ARGLU1: variants seen among roughly 807,000 people sequenced by gnomAD.
ARGLU1 encodes the protein arginine and glutamate-rich protein 1.
A neutral mutation model predicts 37.6 loss-of-function variants in ARGLU1; 9 were observed. The ratio of observed to expected loss-of-function variants is 0.24; its 90% confidence interval spans 0.14 to 0.42. ARGLU1 has a LOEUF of 0.42. Ranked by LOEUF, ARGLU1 falls within the 10% of genes least tolerant of loss-of-function variation. ARGLU1 has a pLI of 1.00. For missense variants in ARGLU1, 211 were observed against 359.2 expected (o/e 0.59, Z 3.34); for synonymous variants, 166 against 138.5 (o/e 1.20, Z -1.39).
At chr13:106,553,654 A>AT (rs1880589284) in intron 3 of ARGLU1, among the ~76,000 whole-genome samples, 1 of 152,130 alleles carries the variant, frequency 6.6e-6, no homozygotes, top group Middle Eastern at 3.2e-3. Flanking sequence ...AGAGGGGGAC[A>AT]TTTCTTTGTT....
At position 106,568,089 on chromosome 13, in the gene ARGLU1, C is replaced by G. The variant is rs1881029260; in HGVS notation, c.-170G>C. On this transcript the variant is annotated 5_prime_UTR_variant, in exon 1 of 4. Coordinates refer to ENST00000400198, the MANE Select transcript of ARGLU1 (RefSeq NM_018011.4). ...GCGTCTACAGCTGCCACGAAGGCCG[C>G]CTCCAACGAGAAACCCGTAGCGCCA... 2.8e-6 allele frequency: 3 copies of G among 1,075,136 alleles called. No individual in the cohort carries two copies. In the East Asian group the frequency reaches 9.2e-5, roughly 33 times the overall value. 66.6% of individuals were successfully genotyped at this position (1,075,136 alleles called of 1,614,324 possible).
Position 106,567,647 on chromosome 13 carries a change from C to CT in ARGLU1, c.272dup (p.Arg92AlafsTer61). The CT allele has an allele frequency of 6.2e-7, 1 of 1,613,640 alleles. No individual in the cohort carries two copies. The highest frequency in any genetic ancestry group is 1.1e-5 in the South Asian group (1 of 91,078). ...TCTGCTTCTCGTCCAGGCTGCTGCGCTTGCTCACCGTGCGCCCGAAGATGT... is the reference window on the plus strand; with the variant it reads ...TCTGCTTCTCGTCCAGGCTGCTGCGCTTTGCTCACCGTGCGCCCGAAGATGT... On this transcript the variant is annotated frameshift_variant, in exon 1 of 4. Transcript: ENST00000400198. LOFTEE classifies it high-confidence loss of function. The surrounding 1 kb of genome is among the most constrained non-coding windows in gnomAD (Gnocchi z 4.3).
chr13:106,545,824 G>A (rs1394327977), intron 3 of ARGLU1, among the ~76,000 whole-genome samples: 1 of 152,170 alleles, frequency 6.6e-6, no homozygotes, highest in Non-Finnish European at 1.5e-5. Context: ...GAATCTGGCA[G>A]GTGAGCATGG....
In ARGLU1 at chr13:106,557,786, T is replaced by C; in HGVS notation, c.574-655A>G. The C allele has an allele frequency of 3.1e-6, 4 of 1,303,544 alleles. No individual in the cohort carries two copies. Among genetic ancestry groups the C allele is most frequent in the Non-Finnish European group, 3.9e-6 (4 of 1,022,762 alleles). 80.7% of individuals were successfully genotyped at this position (1,303,544 alleles called of 1,614,324 possible). A position where few individuals can be genotyped will look rare whatever the true frequency, so the allele number is the denominator to read the frequency against. On this transcript the variant is annotated intron_variant, in intron 2 of 3. Coordinates refer to ENST00000400198, the MANE Select transcript of ARGLU1 (RefSeq NM_018011.4). The surrounding 1 kb of genome is among the most constrained non-coding windows in gnomAD (Gnocchi z 5.0). ...TAAGGCAAACAATTAATAAGAAAAATACATTTACTGTTAGTGAAAAATACA... is the reference window on the plus strand; with the variant it reads ...TAAGGCAAACAATTAATAAGAAAAACACATTTACTGTTAGTGAAAAATACA...
At chr13:106,560,586 T>G (rs1048797676) in intron 1 of ARGLU1, among the ~76,000 whole-genome samples, 1 of 152,190 alleles carries the variant, frequency 6.6e-6, no homozygotes, top group Non-Finnish European at 1.5e-5. Context: ...ATATTTTGGA[T>G]AAAAATATAC....
intron 3 of ARGLU1, among the ~76,000 whole-genome samples, chr13:106,552,739 T>C (rs758874132): frequency 6.6e-6 from 1 of 152,202 alleles, no homozygotes; most frequent in Non-Finnish European, 1.5e-5. Flanking sequence ...GTATTAACCC[T>C]TCAAATACCT....
chr13:106,558,167 A>C (rs1880704143), intron 2 of ARGLU1: 12 of 985,118 alleles, frequency 1.2e-5, no homozygotes, highest in Non-Finnish European at 1.4e-5. Flanking sequence ...AATGAAGAGA[A>C]AAAAATCTTA....
intron 3 of ARGLU1, among the ~76,000 whole-genome samples, chr13:106,554,416 T>C (rs1469986415): frequency 2.0e-5 from 3 of 152,160 alleles, no homozygotes; most frequent in Admixed American, 1.3e-4. Flanking sequence ...CCAATAAACA[T>C]ACATAAAGAT....
At chr13:106,562,286 C>T (rs1230053023) in intron 1 of ARGLU1, among the ~76,000 whole-genome samples, 1 of 152,136 alleles carries the variant, frequency 6.6e-6, no homozygotes, top group Non-Finnish European at 1.5e-5. Context: ...TGAAGGAAAG[C>T]TCAATTTTAT....
chr13:106,555,491 A>G (rs1039987444), intron 3 of ARGLU1, among the ~76,000 whole-genome samples: 1 of 152,216 alleles, frequency 6.6e-6, no homozygotes, highest in African/African-American at 2.4e-5. Flanking sequence ...CCCAACAAGG[A>G]CAAATCAATA....
intron 3 of ARGLU1, among the ~76,000 whole-genome samples, chr13:106,548,873 C>A (rs1020021980): frequency 2.6e-5 from 4 of 152,130 alleles, no homozygotes; most frequent in Non-Finnish European, 5.9e-5. Context: ...CTCAGCCTCC[C>A]GAGTAGCTGG....
Position 106,543,782 on chromosome 13 carries a change from T to C in ARGLU1, c.*214A>G. ...AACAGGTGAAAAATACGTCACTCCTTAGAATACAACAATGATCTGATAAGG... is the reference window on the plus strand; with the variant it reads ...AACAGGTGAAAAATACGTCACTCCTCAGAATACAACAATGATCTGATAAGG... On this transcript the variant is annotated 3_prime_UTR_variant, in exon 4 of 4. Transcript: ENST00000400198. 1 of 464,348 alleles carries C rather than the reference T, an allele frequency of 2.2e-6. No homozygotes were observed. The highest frequency in any genetic ancestry group is 3.7e-6 in the Non-Finnish European group (1 of 270,928). The allele number at this position is 464,348 out of a possible 1,614,324, so 28.8% of individuals were successfully genotyped here. A position where few individuals can be genotyped will look rare whatever the true frequency, so the allele number is the denominator to read the frequency against.
chr13:106,554,617 T>C (rs1262390114), intron 3 of ARGLU1, among the ~76,000 whole-genome samples: 1 of 152,198 alleles, frequency 6.6e-6, no homozygotes, highest in Non-Finnish European at 1.5e-5. Flanking sequence ...CCGGGCGCGG[T>C]AGCTCACGCC....
At chr13:106,555,692 A>G (rs180866833) in intron 3 of ARGLU1, among the ~76,000 whole-genome samples, 25 of 152,296 alleles carry the variant, frequency 1.6e-4, no homozygotes, top group Non-Finnish European at 1.6e-4. Context: ...ACCGAAAGTC[A>G]TATTTTTTAT....
At chr13:106,558,226 C>A (rs1471394741) in intron 2 of ARGLU1, 7 of 984,346 alleles carry the variant, frequency 7.1e-6, no homozygotes, top group Non-Finnish European at 8.4e-6. Context: ...CCAAAAATAT[C>A]TTCATTATTA....
At chr13:106,547,349 A>G (rs1444004523) in intron 3 of ARGLU1, among the ~76,000 whole-genome samples, 2 of 152,230 alleles carry the variant, frequency 1.3e-5, no homozygotes, top group Non-Finnish European at 2.9e-5. Context: ...TGGAATTTAC[A>G]TTATGTACTT....
intron 3 of ARGLU1, among the ~76,000 whole-genome samples, chr13:106,549,544 T>C (rs1370633608): frequency 1.3e-5 from 2 of 152,194 alleles, no homozygotes; most frequent in Admixed American, 6.5e-5. Flanking sequence ...CAATGTTAAA[T>C]AACAGAAGGG....
At chr13:106,544,765 T>TG (rs1880349479) in intron 3 of ARGLU1, among the ~76,000 whole-genome samples, 1 of 151,962 alleles carries the variant, frequency 6.6e-6, no homozygotes, top group Non-Finnish European at 1.5e-5. Context: ...CAAATCATGC[T>TG]GAAAAAAAAG....
chr13:106,554,376 A>AT (rs1880608862), intron 3 of ARGLU1, among the ~76,000 whole-genome samples: 1 of 152,172 alleles, frequency 6.6e-6, no homozygotes, highest in Non-Finnish European at 1.5e-5. Flanking sequence ...AGTACTTTTA[A>AT]TAGGAGTTTG....
Sources: gnomAD v4.1 joint callset for allele counts (sites outside exome capture counted in the v4.1 genomes callset) on GRCh38, gnomAD v4.1.1 for gene constraint, Gnocchi (gnomAD v3.1) non-coding constraint, MANE v1.5 for transcripts, NCBI Gene and HGNC (gene_info 2026-07-23, HGNC 2026-07-21) for gene names.